The following LRMDA variants were observed in gnomAD, a reference collection of about 807,000 sequenced individuals.
LRMDA encodes leucine rich melanocyte differentiation associated.
LRMDA carries 18 observed loss-of-function variants against 29.8 expected under a neutral mutation model. That is an observed-to-expected ratio of 0.60 (90% CI 0.42 to 0.90). The LOEUF (loss-of-function observed/expected upper bound fraction) is 0.90, where lower values mean the gene tolerates loss of function less well. LRMDA is among the 40% of genes least tolerant of loss of function. The pLI is 0.00. For missense variants in LRMDA, 273 were observed against 273.9 expected, an observed-to-expected ratio of 1.00 and a Z score of 0.02; for synonymous variants, 125 against 109.4, an observed-to-expected ratio of 1.14 and a Z score of -0.89.
At chr10:75,940,710 T>C (rs926888319) in intron 2 of LRMDA, among the ~76,000 whole-genome samples, 1 of 152,134 alleles carries the variant, frequency 6.6e-6, no homozygotes, top group Non-Finnish European at 1.5e-5. Flanking sequence ...GCTTAGTAGG[T>C]GCTTCATAAA....
chr10:75,881,396 C>G (rs547126810), intron 2 of LRMDA, among the ~76,000 whole-genome samples: 21 of 152,278 alleles, frequency 1.4e-4, no homozygotes, highest in Admixed American at 5.9e-4. Flanking sequence ...CCGATTCACG[C>G]TGACTTCCTA....
At chr10:75,561,913 T>C in intron 2 of LRMDA, among the ~76,000 whole-genome samples, 1 of 152,142 alleles carries the variant, frequency 6.6e-6, no homozygotes, top group East Asian at 1.9e-4. Context: ...TTATAATTTC[T>C]GTTCTTTTAC....
Position 76,155,784 on chromosome 10 carries a change from A to G in LRMDA, c.516+97001A>G, listed in dbSNP as rs556114300. 2.0e-3 allele frequency among the ~76,000 whole-genome samples: 310 copies of G among 152,352 alleles called. 2 individuals carry two copies. The highest frequency in any genetic ancestry group is 7.3e-3 in the African/African-American group (302 of 41,592). ...GATTTCTGGTTCCTGCATATGACGC[A>G]GTCTATCCTGACTATCACATTTTGC... On this transcript the variant is annotated intron_variant, in intron 5 of 6. Transcript: ENST00000611255.
chr10:76,295,315 A>T (rs936693835), intron 5 of LRMDA, among the ~76,000 whole-genome samples: 1 of 152,306 alleles, frequency 6.6e-6, no homozygotes, highest in East Asian at 1.9e-4. Context: ...TGTAGAAGAG[A>T]TGTCTACGTC....
intron 6 of LRMDA, among the ~76,000 whole-genome samples, chr10:76,426,990 T>C (rs993242763): frequency 2.1e-4 from 32 of 152,342 alleles, no homozygotes; most frequent in Non-Finnish European, 4.0e-4. Flanking sequence ...AGTACCATGC[T>C]GTTTTGGTTA....
At chr10:76,469,414 G>A (rs1400993651) in intron 6 of LRMDA, among the ~76,000 whole-genome samples, 1 of 152,162 alleles carries the variant, frequency 6.6e-6, no homozygotes, top group African/African-American at 2.4e-5. Context: ...GAAGCTAACT[G>A]AGAACACTTG....
intron 5 of LRMDA, among the ~76,000 whole-genome samples, chr10:76,250,980 T>C (rs752407470): frequency 3.9e-5 from 6 of 152,194 alleles, no homozygotes; most frequent in Non-Finnish European, 7.3e-5. Flanking sequence ...TGAACAGTTC[T>C]TGTAGATTTC....
chr10:75,829,271 C>T (rs1472421174), intron 2 of LRMDA, among the ~76,000 whole-genome samples: 1 of 151,998 alleles, frequency 6.6e-6, no homozygotes, highest in Non-Finnish European at 1.5e-5. Flanking sequence ...CAGCTCCACA[C>T]CAAAGCAGGC....
intron 5 of LRMDA, among the ~76,000 whole-genome samples, chr10:76,152,443 T>C (rs1430592542): frequency 6.6e-6 from 1 of 152,240 alleles, no homozygotes; most frequent in African/African-American, 2.4e-5. Context: ...TTTTGGTTAT[T>C]TCTACATTTT....
chr10:75,577,570 C>T (rs1417872481), intron 2 of LRMDA, among the ~76,000 whole-genome samples: 1 of 152,014 alleles, frequency 6.6e-6, no homozygotes, highest in Non-Finnish European at 1.5e-5. Flanking sequence ...AAGAGCAACC[C>T]CAAGACACAT....
At chr10:76,171,832 A>C (rs749478753) in intron 5 of LRMDA, among the ~76,000 whole-genome samples, 1 of 152,174 alleles carries the variant, frequency 6.6e-6, no homozygotes, top group Admixed American at 6.5e-5. Flanking sequence ...TATATGAAAC[A>C]ACAGTGTCTT....
rs564146961 is a variant in LRMDA at position 76,199,058 on chromosome 10, A to G, written c.517-125343A>G. ...TAAATCTAGGCAGGTTATCTAGTAA[A>G]ATGACTAAGGTATAGGGTATGGGAT... On this transcript the variant is annotated intron_variant, in intron 5 of 6. Transcript: ENST00000611255. Among the ~76,000 whole-genome samples, 10 of 152,326 alleles carry G rather than the reference A, an allele frequency of 6.6e-5. 1 individual carries two copies. The South Asian group carries it at 2.1e-3, about 32-fold the overall frequency.
chr10:75,489,692 C>T (rs533265475), intron 2 of LRMDA, among the ~76,000 whole-genome samples: 6 of 152,230 alleles, frequency 3.9e-5, no homozygotes, highest in African/African-American at 1.2e-4. Context: ...CTTGTTATCA[C>T]CAGGAAGTGT....
At chr10:76,547,297 T>G (rs1843432714) in intron 6 of LRMDA, among the ~76,000 whole-genome samples, 1 of 151,920 alleles carries the variant, frequency 6.6e-6, no homozygotes, top group Admixed American at 6.6e-5. Context: ...TTAGAACAAT[T>G]GATGGTAAAG....
chr10:75,770,449 T>A (rs951843954), intron 2 of LRMDA, among the ~76,000 whole-genome samples: 3 of 152,224 alleles, frequency 2.0e-5, no homozygotes, highest in Admixed American at 6.5e-5. Context: ...CCATAATTTT[T>A]AAAAAGTTGT....
chr10:75,879,069 C>G (rs1845249551), intron 2 of LRMDA, among the ~76,000 whole-genome samples: 1 of 152,232 alleles, frequency 6.6e-6, no homozygotes, highest in African/African-American at 2.4e-5. Flanking sequence ...CCAGGTGACT[C>G]TGACAGACAT....
intron 5 of LRMDA, among the ~76,000 whole-genome samples, chr10:76,259,875 G>A (rs531692527): frequency 2.1e-4 from 32 of 151,930 alleles, no homozygotes; most frequent in Non-Finnish European, 4.1e-4. Context: ...AGTCTGTTTT[G>A]TCTGATATAA....
At chr10:76,190,372 A>C (rs1589369595) in intron 5 of LRMDA, among the ~76,000 whole-genome samples, 1 of 152,134 alleles carries the variant, frequency 6.6e-6, no homozygotes, top group African/African-American at 2.4e-5. Context: ...GGGTCTAGGG[A>C]TTAAATGAGA....
chr10:75,811,548 G>A (rs947368870), intron 2 of LRMDA, among the ~76,000 whole-genome samples: 3 of 152,182 alleles, frequency 2.0e-5, no homozygotes, highest in African/African-American at 7.2e-5. Flanking sequence ...CTCATTTTAG[G>A]ACTGAGGGCA....
Sources: allele counts gnomAD v4.1 joint callset (sites outside exome capture counted in the v4.1 genomes callset), GRCh38; gene constraint gnomAD v4.1.1; transcripts MANE v1.5; gene names NCBI Gene and HGNC (gene_info 2026-07-23, HGNC 2026-07-21).